Variants in ATE1 observed in about 807,000 individuals in gnomAD.
The protein encoded by ATE1 is arginyl-tRNA--protein transferase 1.
ATE1 carries 36 observed loss-of-function variants against 70.5 expected under a neutral mutation model. The observed-to-expected ratio is 0.51, with a 90% CI of 0.39 to 0.67. The LOEUF is 0.67. Ranked by LOEUF, ATE1 falls within the 30% of genes least tolerant of loss-of-function variation. The pLI is 0.00. For missense variants in ATE1, 593 were observed against 629.5 expected (o/e 0.94, Z 0.62); for synonymous variants, 232 against 219.3 (o/e 1.06, Z -0.51).
intron 1 of ATE1, among the ~76,000 whole-genome samples, chr10:121,924,745 C>A (rs1306432662): frequency 6.7e-6 from 1 of 148,868 alleles, no homozygotes; most frequent in Non-Finnish European, 1.5e-5. Context: ...AATTCCAAAA[C>A]ACTCATATTG....
At chr10:121,772,015 T>C (rs1945539441) in intron 11 of ATE1, among the ~76,000 whole-genome samples, 1 of 152,240 alleles carries the variant, frequency 6.6e-6, no homozygotes, top group South Asian at 2.1e-4. Context: ...CTCGTTGTTC[T>C]TTATCATTTT....
At chr10:121,825,893 T>C (rs914809351) in intron 10 of ATE1, among the ~76,000 whole-genome samples, 5 of 152,212 alleles carry the variant, frequency 3.3e-5, no homozygotes, top group African/African-American at 1.2e-4. Context: ...ATAGCAGCAT[T>C]ATTCATTAAC....
In ATE1 at chr10:121,744,524, T is replaced by C. The variant is rs1295848238; in HGVS notation, c.1379-666A>G. Among the ~76,000 whole-genome samples the C allele has an allele frequency of 2.0e-5, 3 of 152,172 alleles. No individual in the cohort carries two copies. The East Asian group carries it at 5.8e-4, about 29-fold the overall frequency. On this transcript the variant is annotated intron_variant, in intron 11 of 11. Transcript: ENST00000224652. ...ATCATTCCTGCATCTGATTTAAGTCTGTTTTGCCTCTCCCTGTACCAACAT... is the reference window on the plus strand; with the variant it reads ...ATCATTCCTGCATCTGATTTAAGTCCGTTTTGCCTCTCCCTGTACCAACAT...
intron 1 of ATE1, among the ~76,000 whole-genome samples, chr10:121,925,981 A>G (rs1488815125): frequency 6.6e-6 from 1 of 152,056 alleles, no homozygotes; most frequent in South Asian, 2.1e-4. Flanking sequence ...CGAGGCGGGT[A>G]GATCACCTGA....
chr10:121,783,830 G>A (rs987099714), intron 11 of ATE1, among the ~76,000 whole-genome samples: 2 of 152,044 alleles, frequency 1.3e-5, no homozygotes, highest in South Asian at 4.1e-4. Flanking sequence ...ATTTACTACA[G>A]AATTAAATGA....
At chr10:121,791,384 G>A (rs578135018) in intron 10 of ATE1, among the ~76,000 whole-genome samples, 17 of 151,950 alleles carry the variant, frequency 1.1e-4, no homozygotes, top group African/African-American at 3.6e-4. Context: ...ATGAGCCACC[G>A]TGCCTGGCCA....
chr10:121,827,890 T>C (rs1948089463), intron 10 of ATE1, among the ~76,000 whole-genome samples: 1 of 152,220 alleles, frequency 6.6e-6, no homozygotes, highest in Non-Finnish European at 1.5e-5. Context: ...TTTTAGAGAA[T>C]ATGATGCACA....
intron 11 of ATE1, among the ~76,000 whole-genome samples, chr10:121,761,179 T>C (rs1322501623): frequency 2.6e-5 from 4 of 152,178 alleles, no homozygotes; most frequent in Non-Finnish European, 5.9e-5. Flanking sequence ...CTTGAGGCCC[T>C]CATCAGAAGC....
chr10:121,773,386 T>C (rs7904891), intron 11 of ATE1, among the ~76,000 whole-genome samples: 143,729 of 152,262 alleles, frequency 0.94, 68,062 homozygotes, highest in Non-Finnish European at 0.98. Flanking sequence ...TTATCATCAA[T>C]ACATTGAAAC....
intron 1 of ATE1, among the ~76,000 whole-genome samples, 179 bp from the exon 2 acceptor site, chr10:121,924,508 G>A (rs1952006860): frequency 6.6e-6 from 1 of 152,094 alleles, no homozygotes. Flanking sequence ...AGACCAGCCT[G>A]GCCAACATGG....
intron 10 of ATE1, among the ~76,000 whole-genome samples, chr10:121,835,522 T>C (rs926622934): frequency 4.0e-5 from 6 of 151,534 alleles, no homozygotes; most frequent in African/African-American, 1.5e-4. Context: ...TAAAGAGATT[T>C]AAGAGACACA....
At chr10:121,840,673 T>C (rs1948595596) in intron 9 of ATE1, among the ~76,000 whole-genome samples, 1 of 152,012 alleles carries the variant, frequency 6.6e-6, no homozygotes, top group East Asian at 1.9e-4. Flanking sequence ...GTTCTAAAGA[T>C]AGTACCTTAT....
chr10:121,882,080 G>A (rs550685333), intron 7 of ATE1, among the ~76,000 whole-genome samples: 16 of 152,260 alleles, frequency 1.1e-4, no homozygotes, highest in Non-Finnish European at 1.6e-4. Context: ...ACAGGCGTGA[G>A]CCACCGTGCC....
At chr10:121,819,150 A>G (rs1005969739) in intron 10 of ATE1, among the ~76,000 whole-genome samples, 4 of 152,240 alleles carry the variant, frequency 2.6e-5, no homozygotes, top group African/African-American at 9.6e-5. Flanking sequence ...TGAAAATCAC[A>G]CAATCACTTA....
chr10:121,865,280 A>G (rs763120364), intron 8 of ATE1, among the ~76,000 whole-genome samples: 5 of 152,184 alleles, frequency 3.3e-5, no homozygotes, highest in Admixed American at 6.5e-5. Flanking sequence ...TTATTATCCT[A>G]TTAATACAGA....
At chr10:121,866,095 T>C (rs1434437316) in intron 8 of ATE1, among the ~76,000 whole-genome samples, 1 of 152,244 alleles carries the variant, frequency 6.6e-6, no homozygotes, top group Non-Finnish European at 1.5e-5. Context: ...ATAAGCTTAA[T>C]GGCAAAATTA....
chr10:121,927,610 G>T, intron 1 of ATE1: 2 of 959,238 alleles, frequency 2.1e-6, no homozygotes. Flanking sequence ...CCCGACTCTG[G>T]GGAGACCACC....
rs140144643 is a variant in ATE1, at chr10:121,825,686, G to A, written c.1257+11032C>T. ...CAAACGGCAGCCCAGAAAATAACAAGTGCTGGTGAGGATGTGGAGAAACTG... is the reference window on the plus strand; with the variant it reads ...CAAACGGCAGCCCAGAAAATAACAAATGCTGGTGAGGATGTGGAGAAACTG... On this transcript the variant is annotated intron_variant, in intron 10 of 11. Transcript: ENST00000224652. Among the ~76,000 whole-genome samples, 641 of 152,270 alleles carry A rather than the reference G, an allele frequency of 4.2e-3. 6 individuals are homozygous for A. The highest frequency in any genetic ancestry group is 0.015 in the African/African-American group (607 of 41,542).
At chr10:121,888,146 G>C (rs528363992) in intron 7 of ATE1, among the ~76,000 whole-genome samples, 1 of 152,200 alleles carries the variant, frequency 6.6e-6, no homozygotes, top group Admixed American at 6.5e-5. Flanking sequence ...TGTAATCCCA[G>C]CACTTTGGGA....
Sources: gnomAD v4.1 joint callset for allele counts (sites outside exome capture counted in the v4.1 genomes callset) on GRCh38, gnomAD v4.1.1 for gene constraint, MANE v1.5 for transcripts, NCBI Gene and HGNC (gene_info 2026-07-23, HGNC 2026-07-21) for gene names.